The following IGF1R variants were observed in gnomAD, a reference collection of about 807,000 sequenced individuals.
IGF1R encodes the protein insulin like growth factor 1 receptor, also known as insulin-like growth factor 1 receptor.
In IGF1R, 44 loss-of-function variants were observed where a neutral mutation model predicts 144.6. The ratio of observed to expected loss-of-function variants is 0.30; its 90% CI spans 0.24 to 0.39. The LOEUF is 0.39. Ranked by LOEUF, IGF1R falls within the 10% of genes least tolerant of loss-of-function variation. The probability of loss-of-function intolerance (pLI) is 1.00; values close to 1 mark genes in which losing one functional copy is unlikely to be tolerated. For synonymous variants in IGF1R, 795 were observed against 722.8 expected (o/e 1.10, Z -1.60); for missense variants, 1,355 against 1,833.7 (o/e 0.74, Z 4.77).
At chr15:98,956,921 G>A (rs1224657808) in intron 20 of IGF1R, 140 bp from the exon 21 acceptor site, 1 of 938,594 alleles carries the variant, frequency 1.1e-6, no homozygotes, top group Non-Finnish European at 1.7e-6. Context: ...GAAAGCCAGG[G>A]ATGGAGAGGG....
intron 2 of IGF1R, among the ~76,000 whole-genome samples, chr15:98,721,390 A>G (rs1413249582): frequency 1.3e-5 from 2 of 152,212 alleles, no homozygotes; most frequent in Non-Finnish European, 2.9e-5. Flanking sequence ...TGATTCTCCA[A>G]CCTCACAGCT....
chr15:98,854,713 A>G (rs2011697910), intron 2 of IGF1R, among the ~76,000 whole-genome samples: 2 of 152,022 alleles, frequency 1.3e-5, no homozygotes, highest in Admixed American at 1.3e-4. Flanking sequence ...AGCCAAGAGG[A>G]TTTCTCCTGT....
intron 2 of IGF1R, among the ~76,000 whole-genome samples, chr15:98,753,813 T>G (rs997006842): frequency 6.6e-6 from 1 of 152,206 alleles, no homozygotes; most frequent in Admixed American, 6.5e-5. Context: ...TACAAAGATG[T>G]GAGTTGGGAG....
At chr15:98,909,177 T>C (rs1368635645) in intron 6 of IGF1R, among the ~76,000 whole-genome samples, 2 of 152,244 alleles carry the variant, frequency 1.3e-5, no homozygotes, top group Non-Finnish European at 2.9e-5. Context: ...GCTTACAGAA[T>C]GCACAGTTAA....
chr15:98,700,851 C>T (rs1338550435), intron 1 of IGF1R, among the ~76,000 whole-genome samples: 1 of 152,090 alleles, frequency 6.6e-6, no homozygotes, highest in Non-Finnish European at 1.5e-5. Context: ...TCCTGACCTC[C>T]TCGGAGATAG....
At chr15:98,920,054 G>A (rs529668393) in intron 10 of IGF1R, among the ~76,000 whole-genome samples, 39 of 152,276 alleles carry the variant, frequency 2.6e-4, no homozygotes, top group Admixed American at 1.0e-3. Flanking sequence ...GCCTTTCTTT[G>A]ACTACTGTCT....
At chr15:98,836,918 A>G (rs902652772) in intron 2 of IGF1R, among the ~76,000 whole-genome samples, 2 of 152,194 alleles carry the variant, frequency 1.3e-5, no homozygotes, top group Admixed American at 6.5e-5. Context: ...AGTGCGTCAC[A>G]TCTGTGTGAT....
chr15:98,795,604 G>C (rs910073806), intron 2 of IGF1R, among the ~76,000 whole-genome samples: 5 of 152,150 alleles, frequency 3.3e-5, no homozygotes, highest in African/African-American at 9.7e-5. Context: ...TTTTAGTAGA[G>C]ACAGGGTTTC....
At chr15:98,695,680 C>T (rs1330627974) in intron 1 of IGF1R, among the ~76,000 whole-genome samples, 3 of 152,206 alleles carry the variant, frequency 2.0e-5, no homozygotes, top group East Asian at 3.8e-4. Flanking sequence ...CAGGAATCTT[C>T]ATTACCTCTT....
At chr15:98,709,924 A>G (rs536862045) in intron 2 of IGF1R, among the ~76,000 whole-genome samples, 2 of 152,242 alleles carry the variant, frequency 1.3e-5, no homozygotes, top group African/African-American at 4.8e-5. Flanking sequence ...CTGATGAGCT[A>G]CTGATTGAAG....
At chr15:98,821,912 C>T (rs1463416169) in intron 2 of IGF1R, among the ~76,000 whole-genome samples, 1 of 152,176 alleles carries the variant, frequency 6.6e-6, no homozygotes, top group African/African-American at 2.4e-5. Flanking sequence ...CTTCTTAATT[C>T]CCACTCCAGG....
At chr15:98,919,293 C>T (rs898577792) in intron 10 of IGF1R, among the ~76,000 whole-genome samples, 1 of 152,266 alleles carries the variant, frequency 6.6e-6, no homozygotes, top group African/African-American at 2.4e-5. Flanking sequence ...TCCTGCTGCC[C>T]GCCACACGGA....
At chr15:98,922,848 T>G (rs930952876) in intron 11 of IGF1R, among the ~76,000 whole-genome samples, 1 of 152,244 alleles carries the variant, frequency 6.6e-6, no homozygotes, top group Admixed American at 6.5e-5. Context: ...CAAGATCAAC[T>G]CCTGGAGCAG....
chr15:98,887,568 A>G (rs564565604), intron 2 of IGF1R, among the ~76,000 whole-genome samples: 28 of 152,324 alleles, frequency 1.8e-4, no homozygotes, highest in Non-Finnish European at 7.4e-5. Flanking sequence ...TGATGATGGT[A>G]AGATTCTCAG....
intron 2 of IGF1R, among the ~76,000 whole-genome samples, chr15:98,880,428 G>T (rs754404873): frequency 6.6e-6 from 1 of 152,076 alleles, no homozygotes; most frequent in East Asian, 1.9e-4. Context: ...TGTTGGTTCC[G>T]GAGACTTAAG....
chr15:98,930,107 A>G, intron 14 of IGF1R, 128 bp from the exon 15 acceptor site: 3 of 745,222 alleles, frequency 4.0e-6, no homozygotes, highest in Non-Finnish European at 7.2e-6. Context: ...GTAGACAGTA[A>G]GCTCTCCCCA....
At chr15:98,849,589 C>T (rs1420242541) in intron 2 of IGF1R, among the ~76,000 whole-genome samples, 1 of 152,190 alleles carries the variant, frequency 6.6e-6, no homozygotes. Flanking sequence ...AAAAAACTTT[C>T]TGCATGGCCA....
At chr15:98,909,504 G>A (rs986787940) in intron 6 of IGF1R, among the ~76,000 whole-genome samples, 5 of 151,858 alleles carry the variant, frequency 3.3e-5, no homozygotes, top group South Asian at 2.1e-4. Flanking sequence ...AATGATCCAC[G>A]TGCCTCAGCC....
chr15:98,733,955 G>C (rs950255973), intron 2 of IGF1R, among the ~76,000 whole-genome samples: 1 of 151,924 alleles, frequency 6.6e-6, no homozygotes, highest in Non-Finnish European at 1.5e-5. Context: ...TACATACCCC[G>C]GAAGTCCTTT....
Sources: gnomAD v4.1 joint callset for allele counts (sites outside exome capture counted in the v4.1 genomes callset) on GRCh38, gnomAD v4.1.1 for gene constraint, MANE v1.5 for transcripts, NCBI Gene and HGNC (gene_info 2026-07-23, HGNC 2026-07-21) for gene names.